ARL10: variants seen among roughly 807,000 people sequenced by gnomAD.
ARL10 encodes the protein ARF like GTPase 10, also known as ADP-ribosylation factor-like protein 10.
A neutral mutation model predicts 26.1 loss-of-function variants in ARL10; 23 were observed. The observed-to-expected ratio is 0.88, with a 90% CI of 0.63 to 1.25. ARL10 has a LOEUF of 1.25. ARL10 is among the 50% of genes most tolerant of loss of function. The pLI, the probability that ARL10 is intolerant of heterozygous loss-of-function variation, is 0.00. For synonymous variants in ARL10, 138 were observed against 149.1 expected (o/e 0.93, Z 0.54); for missense variants, 300 against 323.6 (o/e 0.93, Z 0.56).
downstream of ARL10, among the ~76,000 whole-genome samples, chr5:176,402,197 G>T (rs1024409309): frequency 6.6e-6 from 1 of 152,200 alleles, no homozygotes; most frequent in African/African-American, 2.4e-5. Flanking sequence ...AGCTACTCAG[G>T]AGGCTGAGGC....
At chr5:176,394,747 G>A (rs1273920375) in intron 1 of ARL10, among the ~76,000 whole-genome samples, 2 of 152,044 alleles carry the variant, frequency 1.3e-5, no homozygotes, top group African/African-American at 2.4e-5. Flanking sequence ...CCCAGGAGGC[G>A]GAGGTTGCAG....
At chr5:176,399,461 G>A (rs1465852937) in intron 1 of ARL10, among the ~76,000 whole-genome samples, 1 of 152,192 alleles carries the variant, frequency 6.6e-6, no homozygotes, top group Non-Finnish European at 1.5e-5. Flanking sequence ...GAAAAATGGG[G>A]CTGGGCATGG....
At chr5:176,371,530 T>C (rs1235991618) in intron 3 of ARL10, among the ~76,000 whole-genome samples, 192 bp from the exon 4 acceptor site, 3 of 129,050 alleles carry the variant, frequency 2.3e-5, no homozygotes, top group Non-Finnish European at 5.1e-5. Flanking sequence ...CTAAGAACAG[T>C]GTGTTTCCTG....
downstream of ARL10, chr5:176,385,366 C>T: frequency 8.1e-7 from 1 of 1,240,618 alleles, no homozygotes; most frequent in South Asian, 1.2e-5. Flanking sequence ...GGGAATGAGG[C>T]TTTGCTTTCT....
intron 1 of ARL10, chr5:176,388,162 G>A: frequency 8.6e-7 from 1 of 1,164,176 alleles, no homozygotes; most frequent in East Asian, 2.4e-5. Flanking sequence ...GCAGTACCAC[G>A]TTCTGACACC....
downstream of ARL10, chr5:176,392,990 C>G: frequency 6.2e-7 from 1 of 1,609,128 alleles, no homozygotes. The surrounding 1 kb of genome is among the most constrained non-coding windows in gnomAD (Gnocchi z 5.2). Context: ...TCTGCTTTCC[C>G]CCAGCCTTGC....
the ARL10 span, among the ~76,000 whole-genome samples, chr5:176,408,117 G>C: frequency 6.6e-6 from 1 of 152,254 alleles, no homozygotes; most frequent in East Asian, 1.9e-4. Context: ...TCTGTGGTCT[G>C]AGTTCCCTCA....
At chr5:176,388,492 A>G (rs1299192825) in exon 2 of ARL10, 2 of 1,614,050 alleles carry the variant, frequency 1.2e-6, no homozygotes, top group South Asian at 2.2e-5. Flanking sequence ...TTCGGTTGAC[A>G]CTGTAACCAA....
At chr5:176,388,809 G>A, downstream of ARL10, 2 of 1,611,604 alleles carry the variant, frequency 1.2e-6, no homozygotes. Context: ...TCCTGCTGCT[G>A]TGGCCCGGAC....
chr5:176,368,154 G>A lies in ARL10; in HGVS notation c.386-653G>A. The stretch of plus-strand genomic sequence containing the variant: ...TGGGACTGTGCAGAGGAGCAGAGAG[G>A]AAAAGAAAGGTGATCCAGGCTGGGG... On this transcript the variant is annotated intron_variant, in intron 2 of 3. Coordinates refer to ENST00000310389, the MANE Select transcript of ARL10 (RefSeq NM_173664.6). The surrounding 1 kb of genome is among the most constrained non-coding windows in gnomAD (Gnocchi z 4.1). The A allele has an allele frequency of 7.4e-6, 3 of 403,424 alleles. No individual in the cohort carries two copies. In the East Asian group the frequency reaches 2.0e-4, roughly 27 times the overall value. 25.0% of individuals were successfully genotyped at this position (403,424 alleles called of 1,614,324 possible).
At chr5:176,369,772 A>G (rs923244567) in intron 3 of ARL10, among the ~76,000 whole-genome samples, 3 of 152,058 alleles carry the variant, frequency 2.0e-5, no homozygotes, top group African/African-American at 7.2e-5. Flanking sequence ...CCTGGGCAAC[A>G]TGGTGAAACT....
downstream of ARL10, among the ~76,000 whole-genome samples, chr5:176,391,183 T>C (rs1167906713): frequency 6.6e-6 from 1 of 152,108 alleles, no homozygotes; most frequent in Non-Finnish European, 1.5e-5. Flanking sequence ...GCAGAGATGA[T>C]AGATGTAGAG....
At position 176,368,826 on chromosome 5, in the gene ARL10, G is replaced by A. The variant is rs766942424; in HGVS notation, c.405G>A (p.Leu135=). The change falls in exon 3 of 4, where the codon CTG becomes CTA. Residue 135 remains leucine, a synonymous_variant. Coordinates refer to ENST00000310389, the MANE Select transcript of ARL10 (RefSeq NM_173664.6). The surrounding 1 kb of genome is among the most constrained non-coding windows in gnomAD (Gnocchi z 4.1). ...CCTCAGTTGGGGGCAGCCAGAACCT[G>A]CGCTTCTACTGGAAGGAGTTTGTGA... ...DLLEIGGSQN[L]RFYWKEFVSE... The A allele has an allele frequency of 3.1e-6, 5 of 1,612,904 alleles. No homozygotes were observed. The highest frequency in any genetic ancestry group is 3.4e-6 in the Non-Finnish European group (4 of 1,179,274).
chr5:176,380,087 G>A lies in ARL10; in HGVS notation c.*8192G>A, dbSNP rs549442084. 1 of 152,190 alleles carries A rather than the reference G, an allele frequency of 6.6e-6. No individual in the cohort carries two copies. Among genetic ancestry groups the A allele is most frequent in the Non-Finnish European group, 1.5e-5 (1 of 68,054 alleles). The allele number at this position is 152,190 out of a possible 1,614,324, so 9.4% of individuals were successfully genotyped here. Reference sequence around the variant, plus strand: ...TGACTAGAGAGTCTCACTTTGTAAGGCATTTGTCCAACTTCCCCTTTTTCA... The same window carrying A: ...TGACTAGAGAGTCTCACTTTGTAAGACATTTGTCCAACTTCCCCTTTTTCA... On this transcript the variant is annotated 3_prime_UTR_variant, in exon 4 of 4. Transcript: ENST00000310389.
At position 176,373,572 on chromosome 5, in the gene ARL10, C is replaced by T. The variant is rs948705264; in HGVS notation, c.*1677C>T. 7.2e-5 allele frequency: 11 copies of T among 152,240 alleles called. No homozygotes were observed. The highest frequency in any genetic ancestry group is 7.2e-4 in the Admixed American group (11 of 15,290). 9.4% of individuals were successfully genotyped at this position (152,240 alleles called of 1,614,324 possible). On this transcript the variant is annotated 3_prime_UTR_variant, in exon 4 of 4. Transcript: ENST00000310389. ...AAGAGGAACTATGATAAAAACAGTT[C>T]AACAAGCCGCAAGGAGGGTGGGAAA...
intron 1 of ARL10, among the ~76,000 whole-genome samples, chr5:176,394,185 G>T (rs1434250143): frequency 6.6e-6 from 1 of 152,236 alleles, no homozygotes; most frequent in Non-Finnish European, 1.5e-5. Context: ...GTGGGGATGA[G>T]GGGAGCTATC....
At chr5:176,385,738 T>A (rs1755790098), downstream of ARL10, among the ~76,000 whole-genome samples, 1 of 152,108 alleles carries the variant, frequency 6.6e-6, no homozygotes, top group South Asian at 2.1e-4. Context: ...TTGCAACACA[T>A]GAAATGGGAC....
At position 176,371,700 on chromosome 5, in the gene ARL10, C is replaced by T. The variant is rs202051758; in HGVS notation, c.562-22C>T. 1.9e-5 allele frequency: 31 copies of T among 1,608,942 alleles called. No individual in the cohort carries two copies. In the African/African-American group the frequency reaches 2.8e-4, roughly 15 times the overall value. On this transcript the variant is annotated intron_variant, in intron 3 of 3. Transcript: ENST00000310389. ...GTTAGGAAATGCTGCCAGCTGTGTT[C>T]GGACTTCTGTGTCTCACCCAGGACC...
At position 176,376,445 on chromosome 5, in the gene ARL10, G is replaced by A. The variant is rs1336994834; in HGVS notation, c.*4550G>A. 6.6e-6 allele frequency: 1 copy of A among 152,046 alleles called. No homozygotes were observed. Among genetic ancestry groups the A allele is most frequent in the East Asian group, 1.9e-4 (1 of 5,194 alleles). The allele number at this position is 152,046 out of a possible 1,614,324, so 9.4% of individuals were successfully genotyped here. A position where few individuals can be genotyped will look rare whatever the true frequency, so the allele number is the denominator to read the frequency against. ...TTATTGGGAAAATGGAGAGATACTGGCATTAATGGAATCGTTTCCTGATTT... is the reference window on the plus strand; with the variant it reads ...TTATTGGGAAAATGGAGAGATACTGACATTAATGGAATCGTTTCCTGATTT... On this transcript the variant is annotated 3_prime_UTR_variant, in exon 4 of 4. Transcript: ENST00000310389.
Sources: allele counts gnomAD v4.1 joint callset (sites outside exome capture counted in the v4.1 genomes callset), GRCh38; gene constraint gnomAD v4.1.1; non-coding constraint Gnocchi (gnomAD v3.1); transcripts MANE v1.5; gene names NCBI Gene and HGNC (gene_info 2026-07-23, HGNC 2026-07-21).